Variants in BACH2 observed in about 807,000 individuals in gnomAD.
The protein encoded by BACH2 is transcription regulator protein BACH2.
In BACH2, 5 loss-of-function variants were observed where a neutral mutation model predicts 61.8. That is an observed-to-expected ratio of 0.08 (90% CI 0.04 to 0.17). The LOEUF (loss-of-function observed/expected upper bound fraction) is 0.17. Ranked by LOEUF, BACH2 falls within the 10% of genes least tolerant of loss-of-function variation. BACH2 has a pLI of 1.00. For missense variants in BACH2, 824 were observed against 1,091.1 expected, an observed-to-expected ratio of 0.76 and a Z score of 3.45; for synonymous variants, 446 against 440.1, an observed-to-expected ratio of 1.01 and a Z score of -0.17.
intron 6 of BACH2, among the ~76,000 whole-genome samples, chr6:89,973,352 C>A (rs1194359361): frequency 6.6e-6 from 1 of 152,176 alleles, no homozygotes; most frequent in Non-Finnish European, 1.5e-5. Context: ...GGGGAAAAGG[C>A]AGGGGAAAGT....
At position 90,008,401 on chromosome 6, in the gene BACH2, A is replaced by G. The variant is rs1363932142; in HGVS notation, c.243+201T>C. ...CACAGGTGAGGTTCAGTTCCCTTCA[A>G]GAAAGATATTCACATTCTGTGCCTC... On this transcript the variant is annotated intron_variant, in intron 6 of 8. Coordinates refer to ENST00000257749, the MANE Select transcript of BACH2 (RefSeq NM_021813.4). The surrounding 1 kb of genome is among the most constrained non-coding windows in gnomAD (Gnocchi z 4.1). 3.0e-6 allele frequency: 2 copies of G among 667,084 alleles called. No individual in the cohort carries two copies. The highest frequency in any genetic ancestry group is 3.6e-5 in the African/African-American group (2 of 55,032). The allele number at this position is 667,084 out of a possible 1,614,324, so 41.3% of individuals were successfully genotyped here. A position where few individuals can be genotyped will look rare whatever the true frequency, so the allele number is the denominator to read the frequency against.
chr6:90,178,027 C>G (rs1172743152), intron 4 of BACH2, among the ~76,000 whole-genome samples: 1 of 152,088 alleles, frequency 6.6e-6, no homozygotes, highest in East Asian at 1.9e-4. Context: ...TGCTGTAGAC[C>G]AAAATAGCAG....
chr6:90,224,705 G>A (rs1005153030), intron 3 of BACH2, among the ~76,000 whole-genome samples: 1 of 152,128 alleles, frequency 6.6e-6, no homozygotes, highest in Non-Finnish European at 1.5e-5. Flanking sequence ...CAGAGCCTCT[G>A]AAGTATCTCC....
At chr6:89,996,241 C>T (rs1352370562) in intron 6 of BACH2, among the ~76,000 whole-genome samples, 24 of 152,164 alleles carry the variant, frequency 1.6e-4, no homozygotes, top group Admixed American at 1.6e-3. Context: ...TGAAAGGCCC[C>T]CTCATTCTCC....
chr6:90,050,723 G>T (rs1780003576), intron 5 of BACH2, among the ~76,000 whole-genome samples: 1 of 151,082 alleles, frequency 6.6e-6, no homozygotes, highest in South Asian at 2.1e-4. Context: ...TTCTAATAAG[G>T]TAAATATAGA....
At chr6:90,003,695 G>A (rs960455686) in intron 6 of BACH2, among the ~76,000 whole-genome samples, 2 of 152,206 alleles carry the variant, frequency 1.3e-5, no homozygotes, top group African/African-American at 4.8e-5. Flanking sequence ...ATACCAAGGT[G>A]CAGAGTGTGG....
intron 1 of BACH2, among the ~76,000 whole-genome samples, chr6:90,292,180 A>G (rs1772200833): frequency 6.6e-6 from 1 of 152,208 alleles, no homozygotes. Context: ...GAAAACATGC[A>G]CTATATTCAG....
chr6:90,138,682 G>C (rs1368593388), intron 4 of BACH2, among the ~76,000 whole-genome samples: 1 of 151,986 alleles, frequency 6.6e-6, no homozygotes, highest in Non-Finnish European at 1.5e-5. Context: ...TCCACCGAAG[G>C]ACACATCCTA....
chr6:90,196,845 TA>T (rs1382711396), intron 4 of BACH2, among the ~76,000 whole-genome samples: 7 of 151,816 alleles, frequency 4.6e-5, no homozygotes, highest in Non-Finnish European at 7.4e-5. Context: ...ACTATTCCAT[TA>T]AAAAAAATAG....
intron 5 of BACH2, among the ~76,000 whole-genome samples, chr6:90,016,970 T>C (rs569724060): frequency 4.1e-4 from 63 of 152,338 alleles, no homozygotes; most frequent in Admixed American, 1.9e-3. Context: ...TCACTTGTTT[T>C]GAGCAATTTG....
intron 6 of BACH2, among the ~76,000 whole-genome samples, chr6:89,981,764 C>G (rs1374941144): frequency 1.3e-5 from 2 of 152,144 alleles, no homozygotes; most frequent in Non-Finnish European, 2.9e-5. Flanking sequence ...GACACACAGG[C>G]AAAGCTTTGA....
chr6:89,939,217 A>C (rs1424188740), intron 7 of BACH2, among the ~76,000 whole-genome samples: 1 of 152,122 alleles, frequency 6.6e-6, no homozygotes, highest in African/African-American at 2.4e-5. Context: ...CCATGTGGAG[A>C]GGGGCTGATG....
At position 90,033,219 on chromosome 6, in the gene BACH2, AG is replaced by A. The variant is rs61513144; in HGVS notation, c.-12-24364del. 5.2e-3 allele frequency among the ~76,000 whole-genome samples: 785 copies of A among 151,614 alleles called. 48 individuals carry two copies. In the East Asian group the frequency reaches 0.14, roughly 27 times the overall value. ...CTGGGGCCTGTTTTGGGGAGGAGGG[AG>A]GGGGGAGGAATAGCATTTTGAGATA... On this transcript the variant is annotated intron_variant, in intron 5 of 8. Transcript: ENST00000257749.
chr6:90,287,754 GTT>G (rs1772065267), intron 1 of BACH2, among the ~76,000 whole-genome samples: 1 of 152,136 alleles, frequency 6.6e-6, no homozygotes, highest in Non-Finnish European at 1.5e-5. Flanking sequence ...AAATTCTATT[GTT>G]TTTATCTTTA....
intron 4 of BACH2, among the ~76,000 whole-genome samples, chr6:90,163,741 T>C (rs1767492971): frequency 6.6e-6 from 1 of 152,226 alleles, no homozygotes; most frequent in South Asian, 2.1e-4. Context: ...CCCAGAGAGC[T>C]GAAGGGCTCC....
intron 5 of BACH2, among the ~76,000 whole-genome samples, chr6:90,046,988 A>G (rs1359784074): frequency 2.6e-5 from 4 of 151,926 alleles, no homozygotes; most frequent in African/African-American, 7.3e-5. Context: ...CTGGAGTGCA[A>G]TGGCATGATC....
intron 3 of BACH2, among the ~76,000 whole-genome samples, chr6:90,238,959 T>C (rs999164446): frequency 6.6e-6 from 1 of 151,976 alleles, no homozygotes; most frequent in Non-Finnish European, 1.5e-5. Context: ...ATTTTGAAAA[T>C]TAAGAAAAAG....
intron 4 of BACH2, among the ~76,000 whole-genome samples, chr6:90,144,194 A>G (rs1171430925): frequency 6.6e-6 from 1 of 152,234 alleles, no homozygotes; most frequent in Non-Finnish European, 1.5e-5. Flanking sequence ...ACTGATTCCA[A>G]TGGCTTGCCT....
At chr6:90,100,570 G>C (rs1405010890) in intron 4 of BACH2, among the ~76,000 whole-genome samples, 1 of 152,014 alleles carries the variant, frequency 6.6e-6, no homozygotes, top group Non-Finnish European at 1.5e-5. Context: ...CTGCAACATC[G>C]ATGCTTCTCT....
Sources: allele counts gnomAD v4.1 joint callset (sites outside exome capture counted in the v4.1 genomes callset), GRCh38; gene constraint gnomAD v4.1.1; non-coding constraint Gnocchi (gnomAD v3.1); transcripts MANE v1.5; gene names NCBI Gene and HGNC (gene_info 2026-07-23, HGNC 2026-07-21).